Variants in EVI2B observed in about 807,000 individuals in gnomAD.
EVI2B encodes the protein ecotropic viral integration site 2B.
Under a neutral mutation model 6.6 loss-of-function variants are expected in EVI2B, and 4 were observed. That is an observed-to-expected ratio of 0.61 (90% CI 0.30 to 1.39). The LOEUF (loss-of-function observed/expected upper bound fraction) is 1.39. Ranked by LOEUF, EVI2B falls within the 40% of genes most tolerant of loss-of-function variation. EVI2B has a pLI of 0.08. For synonymous variants in EVI2B, 181 were observed against 186.8 expected (o/e 0.97, Z 0.25); for missense variants, 484 against 516.6 (o/e 0.94, Z 0.61).
rs1205675666 is a variant in EVI2B at position 31,305,598 on chromosome 17, T to C, written c.12A>G (p.Lys4=). 6 of 1,612,154 alleles carry C rather than the reference T, an allele frequency of 3.7e-6. No individual in the cohort carries two copies. Among genetic ancestry groups the C allele is most frequent in the Non-Finnish European group, 4.2e-6 (5 of 1,178,928 alleles). The change falls in exon 2 of 2, where the codon AAA becomes AAG. Residue 4 remains lysine (K), a synonymous_variant. Coordinates refer to ENST00000330927, the MANE Select transcript of EVI2B (RefSeq NM_006495.4). MDP[K]YFILILFCGH... is the part of the protein sequence containing the mutation. ...CACAAAACAAAATTAAGATGAAATA[T>C]TTGGGATCCATTTCAGAATATTTCC...
intron 1 of EVI2B, among the ~76,000 whole-genome samples, chr17:31,309,086 T>C (rs951952600): frequency 6.6e-6 from 1 of 152,198 alleles, no homozygotes; most frequent in Non-Finnish European, 1.5e-5. Context: ...AAAGAGACAG[T>C]GTCAAATGAG....
intron 1 of EVI2B, chr17:31,307,934 T>C (rs1358461676): frequency 1.6e-6 from 2 of 1,288,766 alleles, no homozygotes; most frequent in Non-Finnish European, 2.0e-6. Context: ...CCTCTACCAC[T>C]TGGTACACAG....
rs2068703170 is a variant in EVI2B, at chr17:31,305,763, A to G, written c.-21-133T>C. 9.2e-6 allele frequency: 7 copies of G among 757,514 alleles called. No individual in the cohort carries two copies. The East Asian group carries it at 1.9e-4, about 20-fold the overall frequency. 46.9% of individuals were successfully genotyped at this position (757,514 alleles called of 1,614,324 possible). ...TCCTAATTAGTAGTAGTTGATTAGT[A>G]GTTATTATTCCTAATTTAGACTTGA... is the stretch of plus-strand genomic sequence containing the variant. On this transcript the variant is annotated intron_variant, in intron 1 of 1. Transcript: ENST00000330927.
At chr17:31,313,250 G>T (rs934625510) in intron 1 of EVI2B, among the ~76,000 whole-genome samples, 1 of 152,096 alleles carries the variant, frequency 6.6e-6, no homozygotes, top group Non-Finnish European at 1.5e-5. Flanking sequence ...ATTATATTAT[G>T]TACAGGAAAA....
At chr17:31,311,480 T>G (rs1200072567) in intron 1 of EVI2B, among the ~76,000 whole-genome samples, 1 of 152,184 alleles carries the variant, frequency 6.6e-6, no homozygotes, top group Non-Finnish European at 1.5e-5. Context: ...AGCAGTAGTA[T>G]TATCTCTAAC....
chr17:31,305,676 G>A, intron 1 of EVI2B, 46 bp from the exon 2 acceptor site: 2 of 1,503,534 alleles, frequency 1.3e-6, no homozygotes, highest in Non-Finnish European at 1.8e-6. Context: ...AGGCGTCATT[G>A]GTGTCTAGTT....
At chr17:31,309,564 A>G (rs1266951394) in intron 1 of EVI2B, among the ~76,000 whole-genome samples, 2 of 152,192 alleles carry the variant, frequency 1.3e-5, no homozygotes, top group Non-Finnish European at 2.9e-5. Flanking sequence ...TCATTTTAAA[A>G]ATCTGTTTTA....
chr17:31,310,298 A>G (rs2068835173), intron 1 of EVI2B, among the ~76,000 whole-genome samples: 1 of 152,188 alleles, frequency 6.6e-6, no homozygotes, highest in Admixed American at 6.5e-5. Flanking sequence ...GCGAACAGAA[A>G]AGAGGAAGGT....
intron 1 of EVI2B, 117 bp from the exon 2 acceptor site, chr17:31,305,747 G>A: frequency 2.4e-6 from 2 of 835,634 alleles, no homozygotes; most frequent in South Asian, 1.8e-5. Flanking sequence ...TTCCTAATTA[G>A]TAGTAGTTGA....
At position 31,304,955 on chromosome 17, in the gene EVI2B, T is replaced by C. The variant is rs140384150; in HGVS notation, c.655A>G (p.Ile219Val). ...CATTTCCAAAGTACAATGATGATTA[T>C]AGCTACCAACATAGAAGTCAGAAGT... ...GVLLTSMLVA[I>V]IIIVLWKCLR... The change falls in exon 2 of 2, where the codon ATA becomes GTA. Residue 219 changes from isoleucine to valine, a missense_variant. Coordinates refer to ENST00000330927, the MANE Select transcript of EVI2B (RefSeq NM_006495.4). 2.3e-4 allele frequency: 375 copies of C among 1,614,156 alleles called. 1 individual carries two copies. Among genetic ancestry groups the C allele is most frequent in the Admixed American group, 4.5e-4 (27 of 60,028 alleles).
chr17:31,310,312 T>C (rs1377557737), intron 1 of EVI2B, among the ~76,000 whole-genome samples: 1 of 151,514 alleles, frequency 6.6e-6, no homozygotes, highest in Non-Finnish European at 1.5e-5. Context: ...GGAAGGTCAA[T>C]TGACTAGAGA....
chr17:31,305,427 T>G lies in EVI2B; in HGVS notation c.183A>C (p.Gln61His), dbSNP rs1418502863. The G allele has an allele frequency of 1.2e-6, 2 of 1,614,180 alleles. No homozygotes were observed. The highest frequency in any genetic ancestry group is 4.5e-5 in the East Asian group (2 of 44,880). The change falls in exon 2 of 2, where the codon CAA becomes CAC. Residue 61 changes from glutamine to histidine, a missense_variant. Physicochemically the swap from Gln to His is conservative, Grantham distance 24. Coordinates refer to ENST00000330927, the MANE Select transcript of EVI2B (RefSeq NM_006495.4). The part of the protein sequence containing the change: ...TTGNPLGQPT[Q>H]FSDTFSGQSI... ...ATTGTCCAGAAAAAGTGTCGCTGAA[T>G]TGTGTTGGTTGACCCAAAGGATTCC... is the stretch of plus-strand genomic sequence containing the variant.
chr17:31,304,633 A>G lies in EVI2B; in HGVS notation c.977T>C (p.Val326Ala), dbSNP rs376449134. 3.0e-5 allele frequency: 48 copies of G among 1,614,154 alleles called. No homozygotes were observed. In the African/African-American group the frequency reaches 3.9e-4, roughly 13 times the overall value. ...ATCTGAAGAAGAAACAGCAGTTCCA[A>G]CTGTTGAACCATCAGCACTATCTTC... is the stretch of plus-strand genomic sequence containing the variant. ...TSEDSADGSTVGTAVSSSDDA... is the reference protein window; with the variant it reads ...TSEDSADGSTAGTAVSSSDDA... The change falls in exon 2 of 2, where the codon GTT (valine) becomes GCT (alanine). Residue 326 changes from valine to alanine, a missense_variant. Coordinates refer to ENST00000330927, the MANE Select transcript of EVI2B (RefSeq NM_006495.4).
At chr17:31,305,673 AT>A in intron 1 of EVI2B, 43 bp from the exon 2 acceptor site, 1 of 1,512,320 alleles carries the variant, frequency 6.6e-7, no homozygotes, top group Non-Finnish European at 8.9e-7. Flanking sequence ...GTTAGGCGTC[AT>A]TGGTGTCTAG....
Position 31,313,355 on chromosome 17 carries a change from T to C in EVI2B, c.-22+624A>G, listed in dbSNP as rs189188830. ...TGGAATCTAGTTCTATTTCTAACCC[T>C]TAGCTTTATCTGCCATGGCTATAGT... On this transcript the variant is annotated intron_variant, in intron 1 of 1. Coordinates refer to ENST00000330927, the MANE Select transcript of EVI2B (RefSeq NM_006495.4). Among the ~76,000 whole-genome samples the C allele has an allele frequency of 4.6e-5, 7 of 152,322 alleles. No homozygotes were observed. In the East Asian group the frequency reaches 1.3e-3, roughly 29 times the overall value.
chr17:31,304,603 G>A lies in EVI2B; in HGVS notation c.1007C>T (p.Ala336Val). ...AAGGGGAGGTGGTGGAGGCAGATCT[G>A]CATCATCTGAAGAAGAAACAGCAGT... is the stretch of plus-strand genomic sequence containing the variant. ...VGTAVSSSDDADLPPPPPLLD... is the reference protein window; with the variant it reads ...VGTAVSSSDDVDLPPPPPLLD... Residue 336 changes from alanine to valine, a missense_variant, in exon 2 of 2, where the codon GCA becomes GTA. Transcript: ENST00000330927. 2 of 1,614,124 alleles carry A rather than the reference G, an allele frequency of 1.2e-6. No homozygotes were observed. The highest frequency in any genetic ancestry group is 1.7e-6 in the Non-Finnish European group (2 of 1,180,014).
intron 1 of EVI2B, among the ~76,000 whole-genome samples, chr17:31,307,029 A>ATTTTT (rs886478261): frequency 3.4e-5 from 5 of 147,472 alleles, no homozygotes; most frequent in Admixed American, 1.4e-4. Flanking sequence ...AATTACAATA[A>ATTTTT]TTTTTTTTTT....
chr17:31,304,403 A>G lies in EVI2B; in HGVS notation c.1207T>C (p.Leu403=), dbSNP rs778369796. ...ATAAAATCTACTGGTGGCAGGGGCA[A>G]GTTAAGTGAGTCAAGCGGTGGAAAT... The part of the protein sequence containing the change: ...QSFPPLDSLN[L]PLPPVDFMKN... The change falls in exon 2 of 2, where the codon TTG becomes CTG. Residue 403 remains leucine (L), a synonymous_variant. Coordinates refer to ENST00000330927, the MANE Select transcript of EVI2B (RefSeq NM_006495.4). 6 of 1,614,120 alleles carry G rather than the reference A, an allele frequency of 3.7e-6. No individual in the cohort carries two copies. Among genetic ancestry groups the G allele is most frequent in the Non-Finnish European group, 4.2e-6 (5 of 1,180,004 alleles).
intron 1 of EVI2B, chr17:31,307,826 G>A (rs1311551694): frequency 8.9e-7 from 1 of 1,125,308 alleles, no homozygotes. Context: ...TGACTCATAA[G>A]CCTATATTTA....
Sources: allele counts gnomAD v4.1 joint callset (sites outside exome capture counted in the v4.1 genomes callset), GRCh38; gene constraint gnomAD v4.1.1; transcripts MANE v1.5; gene names NCBI Gene and HGNC (gene_info 2026-07-23, HGNC 2026-07-21).